The following UBR3 variants were observed in gnomAD, a reference collection of about 807,000 sequenced individuals.
UBR3 encodes ubiquitin protein ligase E3 component n-recognin 3.
A neutral mutation model predicts 243.2 loss-of-function variants in UBR3; 85 were observed. The observed-to-expected ratio is 0.35, with a 90% CI of 0.29 to 0.42. The LOEUF is 0.42. UBR3 is among the 10% of genes least tolerant of loss of function. UBR3 has a pLI of 1.00. For missense variants in UBR3, 1,686 were observed against 2,300.8 expected (o/e 0.73, Z 5.47); for synonymous variants, 748 against 799.8 (o/e 0.94, Z 1.09).
At chr2:169,894,916 T>C (rs2084523716) in intron 6 of UBR3, among the ~76,000 whole-genome samples, 1 of 152,216 alleles carries the variant, frequency 6.6e-6, no homozygotes, top group Non-Finnish European at 1.5e-5. Context: ...CTTTCTTCCA[T>C]TGAATACCTT....
intron 24 of UBR3, among the ~76,000 whole-genome samples, chr2:169,973,539 CTA>C (rs1177404715): frequency 2.6e-5 from 4 of 152,104 alleles, no homozygotes; most frequent in African/African-American, 9.7e-5. Flanking sequence ...ACTGATTTTT[CTA>C]TGTTAATTTT....
At chr2:170,048,251 A>ACC (rs1342848502) in intron 32 of UBR3, among the ~76,000 whole-genome samples, 6 of 151,826 alleles carry the variant, frequency 4.0e-5, no homozygotes, top group Admixed American at 3.3e-4. Flanking sequence ...TTTACAATAC[A>ACC]CCCCTTCCCC....
intron 5 of UBR3, among the ~76,000 whole-genome samples, chr2:169,883,146 T>G (rs1232920524): frequency 6.6e-6 from 1 of 152,220 alleles, no homozygotes; most frequent in Non-Finnish European, 1.5e-5. Context: ...AGTTCTTACT[T>G]TGGTCATCAT....
At chr2:169,964,298 A>G (rs1444189752) in intron 24 of UBR3, 2 of 409,008 alleles carry the variant, frequency 4.9e-6, no homozygotes, top group Admixed American at 5.8e-5. Flanking sequence ...GTTTTAGTTC[A>G]CCCATGTCAG....
At chr2:170,029,678 A>G (rs751478727) in intron 31 of UBR3, among the ~76,000 whole-genome samples, 2 of 152,064 alleles carry the variant, frequency 1.3e-5, no homozygotes, top group African/African-American at 4.8e-5. Flanking sequence ...ACTGATTTTT[A>G]TGCAGATTAA....
intron 1 of UBR3, among the ~76,000 whole-genome samples, chr2:169,870,602 A>G (rs576468438): frequency 6.6e-6 from 1 of 152,114 alleles, no homozygotes; most frequent in African/African-American, 2.4e-5. Flanking sequence ...GATTAATTCT[A>G]TTGGGATGTA....
At chr2:170,056,741 TATC>T (rs370769808) in intron 33 of UBR3, among the ~76,000 whole-genome samples, 104 of 152,338 alleles carry the variant, frequency 6.8e-4, no homozygotes, top group African/African-American at 2.4e-3. Flanking sequence ...CCTTCACTGT[TATC>T]ATCAGTTTAC....
intron 1 of UBR3, among the ~76,000 whole-genome samples, chr2:169,853,619 T>G (rs2082737372): frequency 6.6e-6 from 1 of 151,960 alleles, no homozygotes; most frequent in Admixed American, 6.6e-5. Flanking sequence ...CCTGGCTATT[T>G]TTGTATTTTT....
At chr2:169,998,888 A>T (rs902659281) in intron 26 of UBR3, among the ~76,000 whole-genome samples, 6 of 152,190 alleles carry the variant, frequency 3.9e-5, no homozygotes, top group Non-Finnish European at 4.4e-5. Context: ...ATCTTGGTAA[A>T]GTTATCATTC....
Position 169,950,017 on chromosome 2 carries a change from C to T in UBR3, c.3497C>T (p.Pro1166Leu), listed in dbSNP as rs764709663. Residue 1166 changes from proline to leucine, a missense_variant, in exon 23 of 39, where the codon CCT becomes CTT. By Grantham distance (98) the Pro-to-Leu change is moderately conservative. This residue lies in a region of UBR3 where 300 missense variants were observed against 314.4 expected (regional missense o/e 0.95). Coordinates refer to ENST00000272793, the MANE Select transcript of UBR3 (RefSeq NM_172070.4). The stretch of plus-strand genomic sequence containing the variant: ...AGAAAAGTGACCCCTCCTGTACCAC[C>T]TAAAAAAGTCACTGCAGCAGAGAAG... ...ICRKVTPPVP[P>L]KKVTAAEKKT... The T allele has an allele frequency of 3.8e-6, 6 of 1,587,618 alleles. No homozygotes were observed. Among genetic ancestry groups the T allele is most frequent in the Non-Finnish European group, 4.3e-6 (5 of 1,170,836 alleles).
At chr2:170,053,264 C>T (rs757254499) in intron 32 of UBR3, among the ~76,000 whole-genome samples, 18 of 152,156 alleles carry the variant, frequency 1.2e-4, no homozygotes, top group Non-Finnish European at 2.5e-4. Flanking sequence ...GCCGAATGTA[C>T]CTGCTTTCCT....
chr2:169,894,740 T>G (rs2084516394), intron 6 of UBR3, among the ~76,000 whole-genome samples: 1 of 152,174 alleles, frequency 6.6e-6, no homozygotes, highest in African/African-American at 2.4e-5. Flanking sequence ...GGAAGACACC[T>G]TGAACAGTGA....
At chr2:170,007,444 A>G (rs115747921) in intron 28 of UBR3, among the ~76,000 whole-genome samples, 255 of 152,254 alleles carry the variant, frequency 1.7e-3, no homozygotes, top group African/African-American at 5.8e-3. Context: ...ATAGGTTTAG[A>G]TGGAGTTAGC....
At chr2:169,878,255 G>T (rs2083688816) in intron 4 of UBR3, among the ~76,000 whole-genome samples, 1 of 152,176 alleles carries the variant, frequency 6.6e-6, no homozygotes, top group East Asian at 1.9e-4. Flanking sequence ...CAGCTACTTG[G>T]GAAGCTGAGG....
At chr2:169,950,395 A>G (rs2086967384) in intron 23 of UBR3, among the ~76,000 whole-genome samples, 1 of 152,136 alleles carries the variant, frequency 6.6e-6, no homozygotes. Flanking sequence ...TTAAATGAGA[A>G]TATTAAAAAT....
chr2:169,839,989 A>C (rs1023179680), intron 1 of UBR3, among the ~76,000 whole-genome samples: 1 of 152,204 alleles, frequency 6.6e-6, no homozygotes, highest in Non-Finnish European at 1.5e-5. Context: ...CTGTCTTACA[A>C]CTAAGAGTTT....
At chr2:169,935,524 G>A (rs1237076065) in intron 19 of UBR3, among the ~76,000 whole-genome samples, 1 of 152,158 alleles carries the variant, frequency 6.6e-6, no homozygotes, top group Non-Finnish European at 1.5e-5. Context: ...CATTTCCAAA[G>A]ATAGAAATGA....
chr2:169,847,221 T>C (rs958357057), intron 1 of UBR3, among the ~76,000 whole-genome samples: 2 of 152,134 alleles, frequency 1.3e-5, no homozygotes, highest in Non-Finnish European at 1.5e-5. Context: ...AAAACAATTA[T>C]TGATATAGTT....
chr2:169,915,888 A>G (rs1344466152), intron 11 of UBR3, among the ~76,000 whole-genome samples: 3 of 152,084 alleles, frequency 2.0e-5, no homozygotes, highest in Non-Finnish European at 4.4e-5. Context: ...TGCTCAGATT[A>G]TTTCAGATTT....
Sources: gnomAD v4.1 joint callset for allele counts (sites outside exome capture counted in the v4.1 genomes callset) on GRCh38, gnomAD v4.1.1 for gene constraint, gnomAD v4.1.1 regional missense constraint, MANE v1.5 for transcripts, NCBI Gene and HGNC (gene_info 2026-07-23, HGNC 2026-07-21) for gene names.